RASA3: variants seen among roughly 807,000 people sequenced by gnomAD.
The protein encoded by RASA3 is ras GTPase-activating protein 3.
A neutral mutation model predicts 110.0 loss-of-function variants in RASA3; 73 were observed. The observed-to-expected ratio is 0.66, with a 90% CI of 0.55 to 0.81. RASA3 has a LOEUF of 0.81. RASA3 is among the 30% of genes least tolerant of loss of function. The pLI, the probability that RASA3 is intolerant of heterozygous loss-of-function variation, is 0.00. For missense variants in RASA3, 976 were observed against 1,113.2 expected, an observed-to-expected ratio of 0.88 and a Z score of 1.75; for synonymous variants, 500 against 451.4, an observed-to-expected ratio of 1.11 and a Z score of -1.37.
intron 23 of RASA3, among the ~76,000 whole-genome samples, chr13:113,980,738 G>A (rs923185238): frequency 6.6e-6 from 1 of 152,236 alleles, no homozygotes; most frequent in Non-Finnish European, 1.5e-5. Flanking sequence ...AGTCCCCTGA[G>A]CAACTCGGTC....
At chr13:114,066,441 G>C (rs2079451334) in intron 2 of RASA3, among the ~76,000 whole-genome samples, 1 of 152,200 alleles carries the variant, frequency 6.6e-6, no homozygotes, top group African/African-American at 2.4e-5. Context: ...GGGCAGGAGG[G>C]AGAAGGGGGG....
In RASA3 at chr13:114,014,106, GTC is replaced by G. The variant is rs112560884; in HGVS notation, c.1406-860_1406-859del. 4.8e-3 allele frequency among the ~76,000 whole-genome samples: 623 copies of G among 130,838 alleles called. 4 individuals are homozygous for G. The highest frequency in any genetic ancestry group is 0.016 in the African/African-American group (551 of 34,844). 85.8% of individuals were successfully genotyped at this position (130,838 alleles called of 152,430 possible). On this transcript the variant is annotated intron_variant, in intron 14 of 23. Transcript: ENST00000334062. The surrounding 1 kb of genome is among the most constrained non-coding windows in gnomAD (Gnocchi z 4.5). ...TCTGCCTCTCTCTCCGTCTCTCCCT[GTC>G]TCTCTCTCTCTCTCCTTGTCTCTCT...
rs548523634 is a variant in RASA3, at chr13:114,038,211, G to A, written c.372+2789C>T. ...TTGTGACGGAGACCCCAGCGACGGC[G>A]GGTATCCCAGAATAGAAGAGCTGGG... On this transcript the variant is annotated intron_variant, in intron 4 of 23. Coordinates refer to ENST00000334062, the MANE Select transcript of RASA3 (RefSeq NM_007368.4). Among the ~76,000 whole-genome samples, 12 of 152,342 alleles carry A rather than the reference G, an allele frequency of 7.9e-5. No individual in the cohort carries two copies. The East Asian group carries it at 1.5e-3, about 20-fold the overall frequency.
In RASA3 at chr13:114,019,153, C is replaced by T. The variant is rs1556127; in HGVS notation, c.786-234G>A. Among the ~76,000 whole-genome samples, 870 of 151,508 alleles carry T rather than the reference C, an allele frequency of 5.7e-3. 23 individuals are homozygous for T. The highest frequency in any genetic ancestry group is 0.057 in the East Asian group (292 of 5,106). On this transcript the variant is annotated intron_variant, in intron 9 of 23. Coordinates refer to ENST00000334062, the MANE Select transcript of RASA3 (RefSeq NM_007368.4). ...AAGGCGCAGGAGTCAAGGGGGGAAA[C>T]GCGGAGGGGGATGGGGGTGGAACGT...
At chr13:114,060,700 G>A (rs1351076320) in intron 2 of RASA3, among the ~76,000 whole-genome samples, 3 of 152,212 alleles carry the variant, frequency 2.0e-5, no homozygotes, top group Admixed American at 6.5e-5. Flanking sequence ...AGCCGCGCAC[G>A]CCCGGAGCTC....
intron 2 of RASA3, among the ~76,000 whole-genome samples, chr13:114,069,098 G>A (rs2079508401): frequency 6.6e-6 from 1 of 152,196 alleles, no homozygotes; most frequent in Non-Finnish European, 1.5e-5. Flanking sequence ...CAGGCCTGAG[G>A]TGGAGCTGGG....
At chr13:114,067,732 C>T (rs899976839) in intron 2 of RASA3, among the ~76,000 whole-genome samples, 2 of 152,174 alleles carry the variant, frequency 1.3e-5, no homozygotes, top group East Asian at 1.9e-4. Context: ...CAGGACGGGA[C>T]GGGCTTCCAC....
At chr13:113,980,084 A>ACCTCCTCCCACGTGTGTACCACCT (rs71105220) in intron 23 of RASA3, among the ~76,000 whole-genome samples, 1 of 134,244 alleles carries the variant, frequency 7.4e-6, no homozygotes, top group African/African-American at 2.9e-5. Context: ...TGTGTGCACC[A>ACCTCCTCCCACGTGTGTACCACCT]CCTCCCACGT....
chr13:114,017,180 T>C (rs2053811923), intron 12 of RASA3, 57 bp downstream of exon 12: 2 of 1,489,868 alleles, frequency 1.3e-6, no homozygotes, highest in Non-Finnish European at 1.9e-6. Context: ...GTGCCCTCTG[T>C]TGGGGGAAAT....
chr13:114,060,395 A>C (rs1378728422), intron 2 of RASA3, among the ~76,000 whole-genome samples: 1 of 152,232 alleles, frequency 6.6e-6, no homozygotes, highest in African/African-American at 2.4e-5. Flanking sequence ...AGCAGCCAGG[A>C]GCTGCCCAGA....
intron 21 of RASA3, among the ~76,000 whole-genome samples, chr13:113,995,470 A>C (rs2053210429): frequency 2.6e-5 from 4 of 152,256 alleles, no homozygotes; most frequent in Admixed American, 1.3e-4. Flanking sequence ...ATGCGAAAGC[A>C]TCACGTGGCC....
At chr13:113,980,393 G>A (rs2052901676) in intron 23 of RASA3, among the ~76,000 whole-genome samples, 1 of 134,810 alleles carries the variant, frequency 7.4e-6, no homozygotes, top group Non-Finnish European at 1.6e-5. Flanking sequence ...CTCCTCCCAC[G>A]TGTGCACCAC....
intron 1 of RASA3, among the ~76,000 whole-genome samples, chr13:114,100,400 G>A (rs953514422): frequency 3.4e-4 from 52 of 152,190 alleles, no homozygotes; most frequent in East Asian, 1.4e-3. Flanking sequence ...GGAGCCGCCC[G>A]CCTGCAAAGC....
At position 114,052,051 on chromosome 13, in the gene RASA3, C is replaced by A; in HGVS notation, c.277+1G>T. On this transcript the variant is annotated splice_donor_variant, in intron 3 of 23. Coordinates refer to ENST00000334062, the MANE Select transcript of RASA3 (RefSeq NM_007368.4). LOFTEE classifies it high-confidence loss of function. Reference sequence around the variant, plus strand: ...GAAGTAAATGCTCATTCATCACCTACCTATGATGGAATCCCTCCGGAAAAC... The same window carrying A: ...GAAGTAAATGCTCATTCATCACCTAACTATGATGGAATCCCTCCGGAAAAC... 1 of 1,589,220 alleles carries A rather than the reference C, an allele frequency of 6.3e-7. No homozygotes were observed.
rs1408442946 is a variant in RASA3 at position 113,981,777 on chromosome 13, G to C, written c.2327C>G (p.Thr776Ser). ...STFVIDDPQE[T>S]YKTLKQVIAG... Reference sequence around the variant, plus strand: ...GATGACTTGCTTTAGCGTCTTGTAGGTCTCCTGGGGGTCGTCAATGACGAA... The same window carrying C: ...GATGACTTGCTTTAGCGTCTTGTAGCTCTCCTGGGGGTCGTCAATGACGAA... The change falls in exon 23 of 24, where the codon ACC becomes AGC. Residue 776 changes from threonine to serine, a missense_variant. Transcript: ENST00000334062. 2.5e-6 allele frequency: 4 copies of C among 1,614,016 alleles called. No homozygotes were observed. The Admixed American group carries it at 6.7e-5, about 27-fold the overall frequency.
rs2080367549 is a variant in RASA3 at position 114,120,906 on chromosome 13, C to T, written c.55+11529G>A. Among the ~76,000 whole-genome samples the T allele has an allele frequency of 2.0e-5, 3 of 152,208 alleles. No homozygotes were observed. In the South Asian group the frequency reaches 6.2e-4, roughly 32 times the overall value. ...CAGATCTAAGAGGATCAAGATGATT[C>T]CCAGAGTAACATCTGTCTCATTTGA... On this transcript the variant is annotated intron_variant, in intron 1 of 23. Transcript: ENST00000334062.
At chr13:113,980,364 G>A (rs10161644) in intron 23 of RASA3, among the ~76,000 whole-genome samples, 12 of 132,200 alleles carry the variant, frequency 9.1e-5, no homozygotes, top group East Asian at 2.3e-4. Context: ...ATGTGTGTGC[G>A]CCTCCTCCGT....
rs984127062 is a variant in RASA3, at chr13:114,037,034, G to A, written c.372+3966C>T. On this transcript the variant is annotated intron_variant, in intron 4 of 23. Transcript: ENST00000334062. ...TGCCTTCCATAAAGTGCAAATTCCC[G>A]GGAGACTGACACCACTCGGTTCAGG... 1.5e-4 allele frequency among the ~76,000 whole-genome samples: 23 copies of A among 152,264 alleles called. No individual in the cohort carries two copies. In the East Asian group the frequency reaches 1.7e-3, roughly 11 times the overall value.
intron 1 of RASA3, among the ~76,000 whole-genome samples, chr13:114,103,036 T>C (rs1566575909): frequency 6.6e-6 from 1 of 152,126 alleles, no homozygotes; most frequent in Non-Finnish European, 1.5e-5. Context: ...CCAAGGACAC[T>C]CACGTGGGCA....
Sources: allele counts gnomAD v4.1 joint callset (sites outside exome capture counted in the v4.1 genomes callset), GRCh38; gene constraint gnomAD v4.1.1; non-coding constraint Gnocchi (gnomAD v3.1); transcripts MANE v1.5; gene names NCBI Gene and HGNC (gene_info 2026-07-23, HGNC 2026-07-21).